The following SERP2 variants were observed in gnomAD, a reference collection of about 807,000 sequenced individuals.
The protein encoded by SERP2 is stress associated endoplasmic reticulum protein family member 2.
A neutral mutation model predicts 9.1 loss-of-function variants in SERP2; 6 were observed. The ratio of observed to expected loss-of-function variants is 0.66; its 90% CI spans 0.36 to 1.30. The LOEUF (loss-of-function observed/expected upper bound fraction) is 1.30. Among genes scored for constraint, SERP2 ranks in the 50% most tolerant of loss-of-function variants. The pLI is 0.03. For missense variants in SERP2, 58 were observed against 81.9 expected (o/e 0.71, Z 1.13); for synonymous variants, 37 against 27.3 (o/e 1.35, Z -1.10).
At chr13:44,383,939 G>A (rs914110834) in intron 2 of SERP2, among the ~76,000 whole-genome samples, 1 of 152,078 alleles carries the variant, frequency 6.6e-6, no homozygotes, top group Non-Finnish European at 1.5e-5. Flanking sequence ...TGAAATGAGA[G>A]TTGAGCCATC....
chr13:44,383,930 G>C (rs548280298), intron 2 of SERP2, among the ~76,000 whole-genome samples: 1 of 152,078 alleles, frequency 6.6e-6, no homozygotes, highest in Non-Finnish European at 1.5e-5. Flanking sequence ...GGTTAGACAT[G>C]AAATGAGAGT....
intron 2 of SERP2, among the ~76,000 whole-genome samples, chr13:44,393,045 A>G (rs1872875911): frequency 1.3e-5 from 2 of 151,772 alleles, no homozygotes; most frequent in Non-Finnish European, 2.9e-5. Context: ...AGAGAGTTTC[A>G]AGCAGGAAGT....
intron 2 of SERP2, among the ~76,000 whole-genome samples, chr13:44,392,664 A>T (rs1214798823): frequency 6.6e-6 from 1 of 152,238 alleles, no homozygotes; most frequent in East Asian, 1.9e-4. Context: ...ATGGAAGATA[A>T]TGATGCCAGT....
intron 2 of SERP2, among the ~76,000 whole-genome samples, chr13:44,389,756 A>G (rs1872527332): frequency 6.6e-6 from 1 of 152,096 alleles, no homozygotes; most frequent in South Asian, 2.1e-4. Flanking sequence ...GATAGCTAGA[A>G]CCTCTCTAAG....
chr13:44,380,283 C>G (rs1307018531), intron 2 of SERP2, among the ~76,000 whole-genome samples: 1 of 152,178 alleles, frequency 6.6e-6, no homozygotes, highest in Non-Finnish European at 1.5e-5. Context: ...TAGTTACATG[C>G]TGAACTAGCC....
At chr13:44,380,624 G>A (rs1444530818) in intron 2 of SERP2, among the ~76,000 whole-genome samples, 1 of 152,166 alleles carries the variant, frequency 6.6e-6, no homozygotes, top group Non-Finnish European at 1.5e-5. Context: ...AAACTCTTAG[G>A]AGGAAGGAAG....
intron 2 of SERP2, among the ~76,000 whole-genome samples, chr13:44,388,831 C>G (rs941639575): frequency 2.6e-5 from 4 of 152,182 alleles, no homozygotes; most frequent in African/African-American, 9.7e-5. Context: ...CAGGTCTCTC[C>G]CTGTATGAAT....
Position 44,397,550 on chromosome 13 carries a change from T to C in SERP2, c.*238T>C. 1.8e-6 allele frequency: 1 copy of C among 565,048 alleles called. No individual in the cohort carries two copies. The allele number at this position is 565,048 out of a possible 1,614,324, so 35.0% of individuals were successfully genotyped here. A position where few individuals can be genotyped will look rare whatever the true frequency, so the allele number is the denominator to read the frequency against. ...TTTGCTTTTCTGTTGGCAGGATTAG[T>C]AGCCACGCGGGTCGTCCGCAGCAGT... On this transcript the variant is annotated 3_prime_UTR_variant, in exon 3 of 3. Coordinates refer to ENST00000379179, the MANE Select transcript of SERP2 (RefSeq NM_001010897.3).
At chr13:44,381,339 G>A (rs1161833548) in intron 2 of SERP2, among the ~76,000 whole-genome samples, 2 of 151,332 alleles carry the variant, frequency 1.3e-5, no homozygotes. Flanking sequence ...TCTGGAGTTC[G>A]AGACCATCCT....
chr13:44,383,549 T>TTG lies in SERP2; in HGVS notation c.157+3837_157+3838insGT, dbSNP rs1566091636. Among the ~76,000 whole-genome samples, 38 of 133,476 alleles carry TTG rather than the reference T, an allele frequency of 2.8e-4. 1 individual carries two copies. Among genetic ancestry groups the TTG allele is most frequent in the Non-Finnish European group, 2.2e-4 (14 of 62,398 alleles). The allele number at this position is 133,476 out of a possible 152,430, so 87.6% of individuals were successfully genotyped here. On this transcript the variant is annotated intron_variant, in intron 2 of 2. Coordinates refer to ENST00000379179, the MANE Select transcript of SERP2 (RefSeq NM_001010897.3). Reference sequence around the variant, plus strand: ...CCACCTCTCTGGAGGTTTGCGTTTTTTTTGTTTTTTTTTTTTTGAGACAGA... The same window carrying TTG: ...CCACCTCTCTGGAGGTTTGCGTTTTTTGTTTGTTTTTTTTTTTTTGAGACAGA...
intron 2 of SERP2, among the ~76,000 whole-genome samples, chr13:44,383,738 T>A (rs1045281440): frequency 1.3e-5 from 2 of 149,270 alleles, no homozygotes; most frequent in Non-Finnish European, 3.0e-5. Flanking sequence ...TTTTTAGTAG[T>A]GACGGGGTTT....
At chr13:44,393,220 G>C (rs1233134770) in intron 2 of SERP2, among the ~76,000 whole-genome samples, 1 of 152,200 alleles carries the variant, frequency 6.6e-6, no homozygotes, top group East Asian at 1.9e-4. Flanking sequence ...AGGTAAGAGA[G>C]TGCAGAAAGT....
At chr13:44,378,500 A>C (rs1595048189) in intron 1 of SERP2, among the ~76,000 whole-genome samples, 2 of 152,350 alleles carry the variant, frequency 1.3e-5, no homozygotes, top group Middle Eastern at 6.8e-3. Context: ...CATTTAATTG[A>C]AATCTGGAAT....
intron 2 of SERP2, among the ~76,000 whole-genome samples, chr13:44,387,267 G>A (rs770132059): frequency 3.2e-4 from 48 of 152,188 alleles, no homozygotes; most frequent in African/African-American, 9.2e-4. Context: ...TCCTCTGGGC[G>A]TTTTCTTTTC....
intron 1 of SERP2, among the ~76,000 whole-genome samples, chr13:44,376,591 A>T (rs1483044862): frequency 6.6e-6 from 1 of 152,130 alleles, no homozygotes; most frequent in East Asian, 1.9e-4. Context: ...CCTGGCCAAC[A>T]TGGCACAACC....
At position 44,373,891 on chromosome 13, in the gene SERP2, G is replaced by A; in HGVS notation, c.-135G>A. ...GGGGCTCGGGGAGCGGGGTGCGCAG[G>A]GCTCGGGGCCACGCCTTGCCACCTG... is the stretch of plus-strand genomic sequence containing the variant. On this transcript the variant is annotated 5_prime_UTR_variant, in exon 1 of 3. Transcript: ENST00000379179. The surrounding 1 kb of genome is among the most constrained non-coding windows in gnomAD (Gnocchi z 4.8). 1 of 699,508 alleles carries A rather than the reference G, an allele frequency of 1.4e-6. No homozygotes were observed. Among genetic ancestry groups the A allele is most frequent in the East Asian group, 3.4e-5 (1 of 29,662 alleles). The allele number at this position is 699,508 out of a possible 1,614,324, so 43.3% of individuals were successfully genotyped here.
At chr13:44,397,064 G>C (rs1010357541) in intron 2 of SERP2, among the ~76,000 whole-genome samples, 2 of 152,208 alleles carry the variant, frequency 1.3e-5, no homozygotes, top group Non-Finnish European at 2.9e-5. Flanking sequence ...ATAAATCCCT[G>C]AGGCATCCAT....
chr13:44,374,043 G>T lies in SERP2; in HGVS notation c.18G>T (p.Arg6=). The change falls in exon 1 of 3, where the codon CGG becomes CGT. Residue 6 remains arginine (R), a synonymous_variant. Coordinates refer to ENST00000379179, the MANE Select transcript of SERP2 (RefSeq NM_001010897.3). MVAKQ[R]IRMANEKHSK... Reference sequence around the variant, plus strand: ...CACAAGCCATGGTGGCCAAACAGCGGATCCGGATGGCTAACGAGAAGCACA... The same window carrying T: ...CACAAGCCATGGTGGCCAAACAGCGTATCCGGATGGCTAACGAGAAGCACA... 2 of 1,592,460 alleles carry T rather than the reference G, an allele frequency of 1.3e-6. No homozygotes were observed. Among genetic ancestry groups the T allele is most frequent in the Non-Finnish European group, 1.7e-6 (2 of 1,169,986 alleles).
At chr13:44,390,160 A>G (rs1451738245) in intron 2 of SERP2, among the ~76,000 whole-genome samples, 1 of 152,198 alleles carries the variant, frequency 6.6e-6, no homozygotes, top group Non-Finnish European at 1.5e-5. Context: ...AGCTCCTGCT[A>G]AAACATCCCC....
Sources: allele counts gnomAD v4.1 joint callset (sites outside exome capture counted in the v4.1 genomes callset), GRCh38; gene constraint gnomAD v4.1.1; non-coding constraint Gnocchi (gnomAD v3.1); transcripts MANE v1.5; gene names NCBI Gene and HGNC (gene_info 2026-07-23, HGNC 2026-07-21).